Variants in TCEA1 observed in about 807,000 individuals in gnomAD.
TCEA1 encodes transcription elongation factor A protein 1.
In TCEA1, 21 loss-of-function variants were observed where a neutral mutation model predicts 43.8. That is an observed-to-expected ratio of 0.48 (90% CI 0.34 to 0.69). TCEA1 has a LOEUF of 0.69. Ranked by LOEUF, TCEA1 falls within the 30% of genes least tolerant of loss-of-function variation. TCEA1 has a pLI of 0.01. For missense variants in TCEA1, 250 were observed against 365.1 expected (o/e 0.68, Z 2.57); for synonymous variants, 104 against 117.5 (o/e 0.88, Z 0.75).
intron 2 of TCEA1, among the ~76,000 whole-genome samples, chr8:54,005,189 T>A (rs1718574833): frequency 6.6e-6 from 1 of 152,188 alleles, no homozygotes; most frequent in African/African-American, 2.4e-5. Context: ...TCCCAAATAT[T>A]TCCTAAACCT....
At chr8:53,980,999 C>G (rs139227912) in intron 7 of TCEA1, among the ~76,000 whole-genome samples, 1 of 152,182 alleles carries the variant, frequency 6.6e-6, no homozygotes, top group African/African-American at 2.4e-5. Flanking sequence ...GTGGCCTAGA[C>G]AGAAGATCAA....
intron 7 of TCEA1, among the ~76,000 whole-genome samples, chr8:53,982,328 C>T (rs987961762): frequency 6.6e-6 from 1 of 152,002 alleles, no homozygotes; most frequent in African/African-American, 2.4e-5. Context: ...CACAGAGGGG[C>T]CAGGCACGGT....
chr8:54,010,459 TCTTAAGCTC>T lies in TCEA1; in HGVS notation c.88_96del (p.Glu30_Lys32del), dbSNP rs1804616047. The stretch of plus-strand genomic sequence containing the variant: ...AGTAATTCCAGGGTCATAGGAATAT[TCTTAAGCTC>T]CTTTAGCAAATCCAATGCTCCAGCC... On this transcript the variant is annotated inframe_deletion, in exon 2 of 10. Coordinates refer to ENST00000521604, the MANE Select transcript of TCEA1 (RefSeq NM_006756.4). 1 of 1,606,592 alleles carries T rather than the reference TCTTAAGCTC, an allele frequency of 6.2e-7. No individual in the cohort carries two copies. The highest frequency in any genetic ancestry group is 1.7e-5 in the Admixed American group (1 of 58,520).
chr8:54,021,972 G>A, intron 1 of TCEA1, 91 bp downstream of exon 1: 1 of 1,251,610 alleles, frequency 8.0e-7, no homozygotes, highest in African/African-American at 1.6e-5. Flanking sequence ...GGCTGCAGGG[G>A]GAGGGGAGGG....
At chr8:54,018,428 C>T in intron 1 of TCEA1, among the ~76,000 whole-genome samples, 1 of 152,208 alleles carries the variant, frequency 6.6e-6, no homozygotes, top group Non-Finnish European at 1.5e-5. Flanking sequence ...TTTAGGCCCA[C>T]AATCCTACAC....
Position 54,022,371 on chromosome 8 carries a change from T to C in TCEA1, c.-246A>G, listed in dbSNP as rs1805081208. 9.2e-6 allele frequency: 5 copies of C among 543,896 alleles called. 1 individual carries two copies. In the South Asian group the frequency reaches 1.1e-4, roughly 12 times the overall value. 33.7% of individuals were successfully genotyped at this position (543,896 alleles called of 1,614,324 possible). On this transcript the variant is annotated 5_prime_UTR_variant, in exon 1 of 10. Coordinates refer to ENST00000521604, the MANE Select transcript of TCEA1 (RefSeq NM_006756.4). ...CGACGTGCAGGCGCTACCAACTGAC[T>C]GCAGATCGCTGGTGAGGGGCGAGCC...
intron 2 of TCEA1, among the ~76,000 whole-genome samples, chr8:54,008,485 A>C (rs1804546694): frequency 1.3e-5 from 2 of 152,100 alleles, no homozygotes; most frequent in Non-Finnish European, 2.9e-5. Flanking sequence ...TCTCTAAAAA[A>C]AAAAATTTTT....
chr8:53,980,999 CAGA>C (rs1339579877), intron 7 of TCEA1, among the ~76,000 whole-genome samples: 2 of 152,182 alleles, frequency 1.3e-5, no homozygotes, highest in Non-Finnish European at 2.9e-5. Flanking sequence ...GTGGCCTAGA[CAGA>C]AGATCAAACC....
chr8:53,996,566 G>A (rs1313166129), intron 3 of TCEA1, among the ~76,000 whole-genome samples: 2 of 152,070 alleles, frequency 1.3e-5, no homozygotes, highest in Non-Finnish European at 2.9e-5. Flanking sequence ...AAAAGCTTTA[G>A]GCAGAAAGAT....
intron 3 of TCEA1, among the ~76,000 whole-genome samples, chr8:53,999,173 C>CGAGATTGCACCACTGCACTCCAGCCTGG (rs1804166999): frequency 7.0e-6 from 1 of 143,032 alleles, no homozygotes; most frequent in Non-Finnish European, 1.5e-5. Context: ...TGCAGTGAGC[C>CGAGATTGCACCACTGCACTCCAGCCTGG]GAGATTGCAC....
At chr8:54,001,551 A>G (rs1258702779) in intron 2 of TCEA1, among the ~76,000 whole-genome samples, 3 of 152,214 alleles carry the variant, frequency 2.0e-5, no homozygotes, top group Non-Finnish European at 4.4e-5. Flanking sequence ...TTACTAGGAA[A>G]AAAACTCCAC....
intron 4 of TCEA1, among the ~76,000 whole-genome samples, chr8:53,992,784 G>C (rs1803921243): frequency 1.3e-5 from 2 of 152,052 alleles, no homozygotes; most frequent in Non-Finnish European, 2.9e-5. Context: ...AGCTTCCCAA[G>C]AACAGAAGAA....
intron 3 of TCEA1, among the ~76,000 whole-genome samples, chr8:53,996,438 T>G (rs1804054124): frequency 6.6e-6 from 1 of 152,240 alleles, no homozygotes; most frequent in Non-Finnish European, 1.5e-5. Context: ...CAAATTGGAT[T>G]GTTGTGAGGA....
chr8:53,996,105 G>T (rs1804043438), intron 3 of TCEA1, among the ~76,000 whole-genome samples: 1 of 152,242 alleles, frequency 6.6e-6, no homozygotes, highest in East Asian at 1.9e-4. Context: ...AATGAAATAT[G>T]ATCCAGCAAG....
In TCEA1 at chr8:53,986,956, A is replaced by C; in HGVS notation, c.523+13T>G. 1 of 1,571,656 alleles carries C rather than the reference A, an allele frequency of 6.4e-7. No homozygotes were observed. The highest frequency in any genetic ancestry group is 1.4e-5 in the African/African-American group (1 of 73,412). ...TTAAAAAAAACAATTATGAATATAC[A>C]CACAAAGGATATCTTCTTCAATTTG... On this transcript the variant is annotated intron_variant, in intron 6 of 9. Coordinates refer to ENST00000521604, the MANE Select transcript of TCEA1 (RefSeq NM_006756.4).
chr8:53,979,998 T>TAACTTCA (rs1803452968), intron 7 of TCEA1, among the ~76,000 whole-genome samples: 1 of 152,172 alleles, frequency 6.6e-6, no homozygotes, highest in African/African-American at 2.4e-5. Context: ...GGGAGACTAA[T>TAACTTCA]GTGAGTAATA....
At chr8:53,973,043 G>A in intron 8 of TCEA1, 1 of 674,490 alleles carries the variant, frequency 1.5e-6, no homozygotes, top group Non-Finnish European at 2.8e-6. Context: ...AAGCTTAAAA[G>A]GAAGAGCTTT....
chr8:54,006,195 C>G (rs1586028582), intron 2 of TCEA1, among the ~76,000 whole-genome samples: 1 of 152,330 alleles, frequency 6.6e-6, no homozygotes, highest in East Asian at 1.9e-4. Flanking sequence ...ACTGTATGGA[C>G]TTTTCTTTGG....
In TCEA1 at chr8:54,020,632, T is replaced by C. The variant is rs536377543; in HGVS notation, c.63+1431A>G. ...ACTACACAGTACTTAATTTAAGTAG[T>C]AGTACTTAATCTCTCTCAGTGTCTT... On this transcript the variant is annotated intron_variant, in intron 1 of 9. Coordinates refer to ENST00000521604, the MANE Select transcript of TCEA1 (RefSeq NM_006756.4). 9.2e-5 allele frequency among the ~76,000 whole-genome samples: 14 copies of C among 152,314 alleles called. No homozygotes were observed. In the East Asian group the frequency reaches 1.2e-3, roughly 13 times the overall value.
Sources: allele counts gnomAD v4.1 joint callset (sites outside exome capture counted in the v4.1 genomes callset), GRCh38; gene constraint gnomAD v4.1.1; transcripts MANE v1.5; gene names NCBI Gene and HGNC (gene_info 2026-07-23, HGNC 2026-07-21).